The following PALM2AKAP2 variants were observed in gnomAD, a reference collection of about 807,000 sequenced individuals.
PALM2AKAP2 encodes PALM2 and AKAP2 fusion, also known as PALM2-AKAP2 fusion protein.
PALM2AKAP2 carries 37 observed loss-of-function variants against 71.5 expected under a neutral mutation model. The observed-to-expected ratio is 0.52, with a 90% CI of 0.40 to 0.68. The LOEUF is 0.68. Ranked by LOEUF, PALM2AKAP2 falls within the 30% of genes least tolerant of loss-of-function variation. The pLI, the probability that PALM2AKAP2 is intolerant of heterozygous loss-of-function variation, is 0.00. For synonymous variants in PALM2AKAP2, 468 were observed against 478.8 expected, an observed-to-expected ratio of 0.98 and a Z score of 0.29; for missense variants, 1,224 against 1,191.8, an observed-to-expected ratio of 1.03 and a Z score of -0.40.
At chr9:110,057,916 T>C (rs1189221869) in intron 1 of PALM2AKAP2, among the ~76,000 whole-genome samples, 1 of 152,214 alleles carries the variant, frequency 6.6e-6, no homozygotes, top group African/African-American at 2.4e-5. Flanking sequence ...CTATGCATCC[T>C]GGCCAAGACT....
chr9:110,101,829 C>T (rs1318418497), intron 1 of PALM2AKAP2, among the ~76,000 whole-genome samples: 3 of 152,176 alleles, frequency 2.0e-5, no homozygotes, highest in Non-Finnish European at 4.4e-5. Flanking sequence ...TTCACTGTTC[C>T]CTTTCCTTTT....
chr9:109,821,164 G>A (rs1353808497), intron 1 of PALM2AKAP2, among the ~76,000 whole-genome samples: 1 of 152,154 alleles, frequency 6.6e-6, no homozygotes, highest in Non-Finnish European at 1.5e-5. Flanking sequence ...TGCCAGGTGG[G>A]ACCAGGTGCA....
chr9:110,048,050 G>T (rs260215), upstream of PALM2AKAP2, among the ~76,000 whole-genome samples: 22,788 of 152,178 alleles, frequency 0.15, 2,053 homozygotes, highest in Non-Finnish European at 0.19. Context: ...AGGCTCTGGC[G>T]AGCCAGTGAG....
intron 3 of PALM2AKAP2, among the ~76,000 whole-genome samples, chr9:110,167,474 C>CAG (rs58740990): frequency 4.3e-5 from 3 of 69,660 alleles, no homozygotes; most frequent in African/African-American, 1.9e-4. Flanking sequence ...AATCTGGAAT[C>CAG]TCTTCTTGAT....
chr9:110,061,950 G>C (rs1833974308), intron 1 of PALM2AKAP2, among the ~76,000 whole-genome samples: 1 of 141,112 alleles, frequency 7.1e-6, no homozygotes, highest in Non-Finnish European at 1.5e-5. Context: ...CTAGTGGTTA[G>C]AGACAGTCTC....
chr9:109,825,032 G>A (rs986611426), intron 1 of PALM2AKAP2, among the ~76,000 whole-genome samples: 12 of 152,176 alleles, frequency 7.9e-5, no homozygotes, highest in Non-Finnish European at 1.3e-4. Flanking sequence ...TGATCAACAC[G>A]TAATGTAGCT....
At chr9:109,771,723 G>C (rs1050587953) in intron 1 of PALM2AKAP2, among the ~76,000 whole-genome samples, 1 of 152,188 alleles carries the variant, frequency 6.6e-6, no homozygotes, top group African/African-American at 2.4e-5. Context: ...CTGGGGGAGT[G>C]AGAAGTAAGG....
intron 1 of PALM2AKAP2, among the ~76,000 whole-genome samples, chr9:109,789,776 C>T (rs1485967841): frequency 6.6e-6 from 1 of 152,158 alleles, no homozygotes; most frequent in Non-Finnish European, 1.5e-5. Flanking sequence ...CCGGCAGGAG[C>T]AGAGGGTGGT....
At chr9:109,659,006 G>C (rs1030120202) in intron 1 of PALM2AKAP2, among the ~76,000 whole-genome samples, 1 of 152,130 alleles carries the variant, frequency 6.6e-6, no homozygotes, top group African/African-American at 2.4e-5. Context: ...GCCTTTGAGA[G>C]TAAATAAAGC....
At chr9:110,000,848 G>C (rs112799637) in intron 6 of PALM2AKAP2, among the ~76,000 whole-genome samples, 2 of 152,056 alleles carry the variant, frequency 1.3e-5, no homozygotes, top group Non-Finnish European at 2.9e-5. Flanking sequence ...TCGCCCACTT[G>C]TTGATGGGGT....
intron 1 of PALM2AKAP2, among the ~76,000 whole-genome samples, chr9:110,086,238 G>A (rs914028869): frequency 6.6e-6 from 1 of 152,064 alleles, no homozygotes; most frequent in Non-Finnish European, 1.5e-5. Context: ...CTATGTGCTT[G>A]CTATTTGCAT....
intron 1 of PALM2AKAP2, among the ~76,000 whole-genome samples, chr9:109,680,832 G>A (rs1423094757): frequency 1.3e-5 from 2 of 152,136 alleles, no homozygotes; most frequent in African/African-American, 4.8e-5. Flanking sequence ...CCTGAGGTTT[G>A]TTATCTACAA....
chr9:110,128,896 A>G (rs535228791), intron 1 of PALM2AKAP2, among the ~76,000 whole-genome samples: 5 of 152,394 alleles, frequency 3.3e-5, no homozygotes, highest in African/African-American at 1.2e-4. Flanking sequence ...CAGAAAGAAC[A>G]CATGGGTGTC....
At chr9:110,129,737 T>A (rs1247201032) in intron 1 of PALM2AKAP2, among the ~76,000 whole-genome samples, 1 of 152,232 alleles carries the variant, frequency 6.6e-6, no homozygotes, top group Non-Finnish European at 1.5e-5. Flanking sequence ...CTAGTTGAGT[T>A]GTGGAGATGG....
intron 7 of PALM2AKAP2, among the ~76,000 whole-genome samples, chr9:110,035,098 C>T (rs975705175): frequency 6.7e-6 from 1 of 149,412 alleles, no homozygotes; most frequent in African/African-American, 2.5e-5. Flanking sequence ...AATCAACTTA[C>T]GGGAAAATCT....
chr9:110,160,014 A>G (rs565737062), intron 3 of PALM2AKAP2, among the ~76,000 whole-genome samples: 1 of 152,302 alleles, frequency 6.6e-6, no homozygotes, highest in African/African-American at 2.4e-5. Context: ...GAGTATCTCC[A>G]GCCTCACTTA....
At chr9:109,728,305 G>C (rs1828505131) in intron 1 of PALM2AKAP2, among the ~76,000 whole-genome samples, 1 of 152,316 alleles carries the variant, frequency 6.6e-6, no homozygotes, top group African/African-American at 2.4e-5. Flanking sequence ...GTAGAAACAG[G>C]GATGCAGAGT....
intron 3 of PALM2AKAP2, among the ~76,000 whole-genome samples, chr9:110,164,113 T>C (rs1402719260): frequency 6.6e-6 from 1 of 152,190 alleles, no homozygotes; most frequent in Non-Finnish European, 1.5e-5. Context: ...ATTCTGTACC[T>C]TCTTTAACGT....
At chr9:110,132,350 G>A (rs192468756) in intron 1 of PALM2AKAP2, among the ~76,000 whole-genome samples, 1 of 151,148 alleles carries the variant, frequency 6.6e-6, no homozygotes, top group Middle Eastern at 3.4e-3. Flanking sequence ...GTGAGCCACC[G>A]TGCGGGCTTC....
Sources: gnomAD v4.1 joint callset for allele counts (sites outside exome capture counted in the v4.1 genomes callset) on GRCh38, gnomAD v4.1.1 for gene constraint, MANE v1.5 for transcripts, NCBI Gene and HGNC (gene_info 2026-07-23, HGNC 2026-07-21) for gene names.